Variants in CCDC169 observed in about 807,000 individuals in gnomAD.
The protein encoded by CCDC169 is coiled-coil domain-containing protein 169.
In CCDC169, 30 loss-of-function variants were observed where a neutral mutation model predicts 36.0. That is an observed-to-expected ratio of 0.83 (90% CI 0.62 to 1.13). The LOEUF is 1.13. CCDC169 is among the 50% of genes most tolerant of loss of function. The probability of loss-of-function intolerance (pLI) is 0.00; values close to 1 mark genes in which losing one functional copy is unlikely to be tolerated. For missense variants in CCDC169, 245 were observed against 245.9 expected (o/e 1.00, Z 0.03); for synonymous variants, 85 against 81.5 (o/e 1.04, Z -0.23).
chr13:36,227,431 A>C, downstream of CCDC169: 1 of 1,447,806 alleles, frequency 6.9e-7, no homozygotes, highest in South Asian at 1.5e-5. Context: ...CGAAGGTACA[A>C]ATATGCTAAT....
At chr13:36,279,439 T>C (rs748235672) in intron 4 of CCDC169, among the ~76,000 whole-genome samples, 18 of 152,322 alleles carry the variant, frequency 1.2e-4, no homozygotes, top group Non-Finnish European at 2.1e-4. Flanking sequence ...AAATACTTTA[T>C]AATAATTTGA....
At chr13:36,264,537 T>C (rs1410631) in intron 4 of CCDC169, among the ~76,000 whole-genome samples, 38,704 of 151,990 alleles carry the variant, frequency 0.25, 5,203 homozygotes, top group East Asian at 0.49. Flanking sequence ...AAAGAAGAGA[T>C]ATGATGAAAA....
chr13:36,230,219 A>G (rs1478775650), downstream of CCDC169, among the ~76,000 whole-genome samples: 1 of 152,212 alleles, frequency 6.6e-6, no homozygotes, highest in East Asian at 1.9e-4. Flanking sequence ...TTAGCTGGAA[A>G]CTATACTTAC....
chr13:36,282,505 C>T, intron 4 of CCDC169: 1 of 985,140 alleles, frequency 1.0e-6, no homozygotes. Flanking sequence ...TTCATGAGTA[C>T]CAAACACTCA....
chr13:36,280,871 C>T (rs1000514550), intron 4 of CCDC169: 6 of 152,402 alleles, frequency 3.9e-5, no homozygotes, highest in African/African-American at 1.4e-4. Context: ...CAGATACAGC[C>T]AACTGTACGC....
chr13:36,275,403 T>C (rs142633437), intron 4 of CCDC169, among the ~76,000 whole-genome samples: 1 of 152,274 alleles, frequency 6.6e-6, no homozygotes, highest in Non-Finnish European at 1.5e-5. Context: ...TAGATTTGCA[T>C]ATAAAATCTG....
intron 7 of CCDC169, among the ~76,000 whole-genome samples, chr13:36,232,616 T>C (rs1870558587): frequency 6.8e-6 from 1 of 146,484 alleles, no homozygotes; most frequent in South Asian, 2.2e-4. Context: ...GCCAGTATGA[T>C]GAAACCCCAC....
intron 1 of CCDC169, among the ~76,000 whole-genome samples, chr13:36,296,122 C>T (rs866111247): frequency 2.0e-5 from 3 of 152,304 alleles, no homozygotes; most frequent in East Asian, 3.9e-4. Flanking sequence ...GACAGAATCT[C>T]GCTCTGTCGC....
downstream of CCDC169, chr13:36,227,450 T>C (rs9546787): frequency 1.6e-4 from 219 of 1,383,604 alleles, no homozygotes; most frequent in African/African-American, 2.7e-3. Context: ...ATAAAGCAGA[T>C]ATTCCAACCA....
intron 4 of CCDC169, among the ~76,000 whole-genome samples, chr13:36,259,403 A>T (rs1270138351): frequency 6.6e-6 from 1 of 152,226 alleles, no homozygotes; most frequent in Non-Finnish European, 1.5e-5. Context: ...CTTGAACAAA[A>T]TGCTCAAACA....
At chr13:36,274,339 ACT>A (rs2138573598) in intron 4 of CCDC169, 1 of 152,344 alleles carries the variant, frequency 6.6e-6, no homozygotes, top group African/African-American at 2.4e-5. Flanking sequence ...TACTACAATA[ACT>A]TTAAGGTTCC....
intron 4 of CCDC169, among the ~76,000 whole-genome samples, chr13:36,277,400 G>A (rs939255005): frequency 6.6e-6 from 1 of 152,070 alleles, no homozygotes; most frequent in African/African-American, 2.4e-5. Context: ...GATAGGTGCA[G>A]CAAACCACCA....
At chr13:36,235,272 A>C (rs897887996) in intron 7 of CCDC169, among the ~76,000 whole-genome samples, 1 of 151,844 alleles carries the variant, frequency 6.6e-6, no homozygotes, top group Non-Finnish European at 1.5e-5. Context: ...CCAATCCTTC[A>C]CACGCACTTC....
At chr13:36,264,492 A>C (rs1875018876) in intron 4 of CCDC169, among the ~76,000 whole-genome samples, 1 of 152,170 alleles carries the variant, frequency 6.6e-6, no homozygotes, top group Admixed American at 6.5e-5. Context: ...TGTTAGGCTC[A>C]GGAGTCTAAG....
Position 36,295,845 on chromosome 13 carries a change from T to G in CCDC169, c.96A>C (p.Gln32His). Residue 32 changes from glutamine (Q) to histidine (H), a missense_variant, in exon 2 of 8, where the codon CAA (glutamine) becomes CAC (histidine). Coordinates refer to ENST00000239859, the MANE Select transcript of CCDC169 (RefSeq NM_001144981.3). ...TGTGTCTTAGTTCAAATATTGAGAG[T>G]TGCACTGCATCCCTGTTATTTAAAA... is the stretch of plus-strand genomic sequence containing the variant. ...LEEVRKKDAV[Q>H]LSIFELRHKI... The G allele has an allele frequency of 6.5e-7, 1 of 1,532,098 alleles. No individual in the cohort carries two copies. Among genetic ancestry groups the G allele is most frequent in the Non-Finnish European group, 8.8e-7 (1 of 1,132,640 alleles). 94.9% of individuals were successfully genotyped at this position (1,532,098 alleles called of 1,614,324 possible).
chr13:36,223,405 T>C (rs1869713267), downstream of CCDC169: 2 of 152,130 alleles, frequency 1.3e-5, no homozygotes, highest in Non-Finnish European at 2.9e-5. Flanking sequence ...GATAGTAATA[T>C]TTTCTGTATT....
At chr13:36,231,701 C>T (rs1315503564) in intron 7 of CCDC169, among the ~76,000 whole-genome samples, 1 of 152,142 alleles carries the variant, frequency 6.6e-6, no homozygotes, top group Non-Finnish European at 1.5e-5. Context: ...TTAAAGGCCA[C>T]TTCAATTTCC....
intron 2 of CCDC169, among the ~76,000 whole-genome samples, chr13:36,286,453 G>C (rs1260396933): frequency 6.6e-6 from 1 of 152,016 alleles, no homozygotes; most frequent in African/African-American, 2.4e-5. Flanking sequence ...TGCACCCTTG[G>C]GCCTTTGCTC....
chr13:36,226,003 G>A (rs1869855390), downstream of CCDC169: 1 of 152,196 alleles, frequency 6.6e-6, no homozygotes, highest in Admixed American at 6.5e-5. Flanking sequence ...ATGTGAATTA[G>A]TTCAGCCACT....
Sources: allele counts gnomAD v4.1 joint callset (sites outside exome capture counted in the v4.1 genomes callset), GRCh38; gene constraint gnomAD v4.1.1; transcripts MANE v1.5; gene names NCBI Gene and HGNC (gene_info 2026-07-23, HGNC 2026-07-21).